The following RAB2A variants were observed in gnomAD, a reference collection of about 807,000 sequenced individuals.
RAB2A encodes RAB2A, member RAS oncogene family.
Under a neutral mutation model 32.5 loss-of-function variants are expected in RAB2A, and 7 were observed. The ratio of observed to expected loss-of-function variants is 0.22; its 90% CI spans 0.12 to 0.40. The LOEUF (loss-of-function observed/expected upper bound fraction) is 0.40. RAB2A is among the 10% of genes least tolerant of loss of function. The pLI, the probability that RAB2A is intolerant of heterozygous loss-of-function variation, is 1.00. For missense variants in RAB2A, 108 were observed against 260.7 expected, an observed-to-expected ratio of 0.41 and a Z score of 4.03; for synonymous variants, 79 against 85.2, an observed-to-expected ratio of 0.93 and a Z score of 0.40.
Position 60,517,193 on chromosome 8 carries a change from T to C in RAB2A, c.-15T>C. 1 of 1,487,814 alleles carries C rather than the reference T, an allele frequency of 6.7e-7. No homozygotes were observed. The highest frequency in any genetic ancestry group is 8.9e-7 in the Non-Finnish European group (1 of 1,117,416). The allele number at this position is 1,487,814 out of a possible 1,614,324, so 92.2% of individuals were successfully genotyped here. ...GAGGAGGAGCCGTGTGCCCTGGCACTGAGCGGCCGCGGCCATGGCGTACGC... is the reference window on the plus strand; with the variant it reads ...GAGGAGGAGCCGTGTGCCCTGGCACCGAGCGGCCGCGGCCATGGCGTACGC... On this transcript the variant is annotated 5_prime_UTR_variant, in exon 1 of 8. Coordinates refer to ENST00000262646, the MANE Select transcript of RAB2A (RefSeq NM_002865.3).
At chr8:60,612,550 A>G (rs935203098) in intron 6 of RAB2A, among the ~76,000 whole-genome samples, 2 of 152,248 alleles carry the variant, frequency 1.3e-5, no homozygotes, top group African/African-American at 2.4e-5. Flanking sequence ...AACATAAAAC[A>G]AATGAAAATT....
intron 6 of RAB2A, among the ~76,000 whole-genome samples, chr8:60,592,939 G>A (rs918223175): frequency 6.6e-6 from 1 of 152,192 alleles, no homozygotes; most frequent in Non-Finnish European, 1.5e-5. Context: ...AAAAACAAAT[G>A]AGTTAAGAAT....
At position 60,620,656 on chromosome 8, in the gene RAB2A, T is replaced by C. The variant is rs1410294252; in HGVS notation, c.544-18T>C. The stretch of plus-strand genomic sequence containing the variant: ...TATTGTCTGGTCATATTTATTGTTC[T>C]GTTCTCTTTTATTTCAGGCAAATGG... On this transcript the variant is annotated intron_variant, in intron 7 of 7. Transcript: ENST00000262646. 1 of 1,551,266 alleles carries C rather than the reference T, an allele frequency of 6.4e-7. No homozygotes were observed. Among genetic ancestry groups the C allele is most frequent in the Non-Finnish European group, 8.9e-7 (1 of 1,124,794 alleles).
chr8:60,584,007 C>T, intron 3 of RAB2A: 1 of 479,588 alleles, frequency 2.1e-6, no homozygotes, highest in East Asian at 3.7e-5. Flanking sequence ...TACATGTGCA[C>T]TACATGTGCG....
At chr8:60,566,035 G>A (rs1433582498) in intron 2 of RAB2A, among the ~76,000 whole-genome samples, 1 of 152,108 alleles carries the variant, frequency 6.6e-6, no homozygotes, top group East Asian at 1.9e-4. Context: ...TTTTTAAAAT[G>A]TGAAAGTATT....
At chr8:60,543,453 G>GTACTCTCTATCCCTGT (rs1807678228) in intron 1 of RAB2A, among the ~76,000 whole-genome samples, 2 of 134,356 alleles carry the variant, frequency 1.5e-5, no homozygotes, top group Admixed American at 7.0e-5. Context: ...CATTCACTTT[G>GTACTCTCTATCCCTGT]CTTTCTCCCC....
chr8:60,594,896 G>A (rs910461269), intron 6 of RAB2A, among the ~76,000 whole-genome samples: 3 of 152,174 alleles, frequency 2.0e-5, no homozygotes, highest in Non-Finnish European at 4.4e-5. Flanking sequence ...GGACATTTGG[G>A]TTGGTTCCAA....
intron 1 of RAB2A, among the ~76,000 whole-genome samples, chr8:60,518,122 C>T (rs918750477): frequency 1.3e-5 from 2 of 152,106 alleles, no homozygotes; most frequent in Middle Eastern, 3.2e-3. Context: ...AAAATGACGT[C>T]CTAGTATATT....
intron 6 of RAB2A, among the ~76,000 whole-genome samples, chr8:60,592,806 T>G (rs1429195985): frequency 6.6e-6 from 1 of 152,236 alleles, no homozygotes; most frequent in Non-Finnish European, 1.5e-5. Context: ...TGTATTACTA[T>G]ACTGTTATTT....
chr8:60,545,201 T>G (rs186651587), intron 1 of RAB2A, among the ~76,000 whole-genome samples: 1 of 133,912 alleles, frequency 7.5e-6, no homozygotes, highest in Non-Finnish European at 1.5e-5. Context: ...GTATTTCTTG[T>G]GAAGGACTCT....
intron 1 of RAB2A, 95 bp from the exon 2 acceptor site, chr8:60,558,757 C>T (rs937231999): frequency 9.8e-7 from 1 of 1,017,400 alleles, no homozygotes; most frequent in Non-Finnish European, 1.5e-6. Context: ...TCACAGTGCA[C>T]CAGAAACCCT....
At chr8:60,546,889 GTC>G (rs1807735566) in intron 1 of RAB2A, among the ~76,000 whole-genome samples, 4 of 131,110 alleles carry the variant, frequency 3.1e-5, no homozygotes, top group Non-Finnish European at 6.3e-5. Flanking sequence ...TGTTTTTTGG[GTC>G]TTTTTTTTTT....
chr8:60,541,475 A>C (rs1173510535), intron 1 of RAB2A, among the ~76,000 whole-genome samples: 1 of 152,210 alleles, frequency 6.6e-6, no homozygotes, highest in African/African-American at 2.4e-5. Flanking sequence ...GATCACCTGA[A>C]GTCAGGAGTT....
intron 1 of RAB2A, among the ~76,000 whole-genome samples, chr8:60,526,020 C>CATATATAT (rs146162692): frequency 0.014 from 1,314 of 92,108 alleles, 16 homozygotes; most frequent in African/African-American, 0.024. Context: ...TGTGTGTGTA[C>CATATATAT]ATATATATAT....
chr8:60,584,263 G>T lies in RAB2A; in HGVS notation c.242G>T (p.Gly81Val). The change falls in exon 4 of 8, where the codon GGA becomes GTA. Residue 81 changes from glycine (G) to valine (V), a missense_variant. By Grantham distance (109) the Gly-to-Val change is moderately radical. Coordinates refer to ENST00000262646, the MANE Select transcript of RAB2A (RefSeq NM_002865.3). Reference protein sequence around the residue: ...ITRSYYRGAAGALLVYDITRR... With the variant: ...ITRSYYRGAAVALLVYDITRR... ...AGGTCGTATTACAGAGGTGCAGCAGGAGCTTTACTAGTTTACGATATTACA... is the reference window on the plus strand; with the variant it reads ...AGGTCGTATTACAGAGGTGCAGCAGTAGCTTTACTAGTTTACGATATTACA... 1.2e-6 allele frequency: 2 copies of T among 1,608,134 alleles called. No homozygotes were observed. The highest frequency in any genetic ancestry group is 1.7e-6 in the Non-Finnish European group (2 of 1,174,636).
At chr8:60,609,280 C>T (rs1183514513) in intron 6 of RAB2A, among the ~76,000 whole-genome samples, 1 of 152,184 alleles carries the variant, frequency 6.6e-6, no homozygotes, top group African/African-American at 2.4e-5. Context: ...AAGTCTGATC[C>T]CTCCTCTGGA....
At chr8:60,610,006 C>T (rs1222250757) in intron 6 of RAB2A, among the ~76,000 whole-genome samples, 6 of 150,562 alleles carry the variant, frequency 4.0e-5, no homozygotes, top group Non-Finnish European at 8.9e-5. Flanking sequence ...AAATTGGCCT[C>T]TCATCAGGTG....
Position 60,559,054 on chromosome 8 carries a change from C to A in RAB2A, c.118+131C>A, listed in dbSNP as rs958618310. On this transcript the variant is annotated intron_variant, in intron 2 of 7. Transcript: ENST00000262646. The stretch of plus-strand genomic sequence containing the variant: ...TGGATTTGTTGTTACGCTGTTTAAT[C>A]TCTGTCACTTTTTTAAAAATATGTG... 8 of 639,462 alleles carry A rather than the reference C, an allele frequency of 1.3e-5. No homozygotes were observed. In the African/African-American group the frequency reaches 1.3e-4, roughly 10 times the overall value. The allele number at this position is 639,462 out of a possible 1,614,324, so 39.6% of individuals were successfully genotyped here. A position where few individuals can be genotyped will look rare whatever the true frequency, so the allele number is the denominator to read the frequency against.
chr8:60,556,641 T>TTAA (rs749763420), intron 1 of RAB2A, among the ~76,000 whole-genome samples: 1 of 106,592 alleles, frequency 9.4e-6, no homozygotes, highest in Non-Finnish European at 2.0e-5. Context: ...CTCTTTTTAA[T>TTAA]AAAAAAAAAA....
Sources: gnomAD v4.1 joint callset for allele counts (sites outside exome capture counted in the v4.1 genomes callset) on GRCh38, gnomAD v4.1.1 for gene constraint, MANE v1.5 for transcripts, NCBI Gene and HGNC (gene_info 2026-07-23, HGNC 2026-07-21) for gene names.